The following CMTR1 variants were observed in gnomAD, a reference collection of about 807,000 sequenced individuals.
CMTR1 encodes the protein cap-specific mRNA (nucleoside-2'-O-)-methyltransferase 1.
A neutral mutation model predicts 107.0 loss-of-function variants in CMTR1; 39 were observed. That is an observed-to-expected ratio of 0.36 (90% CI 0.28 to 0.48). The LOEUF (loss-of-function observed/expected upper bound fraction) is 0.48. CMTR1 is among the 20% of genes least tolerant of loss of function. The pLI is 0.99. For synonymous variants in CMTR1, 366 were observed against 379.5 expected, an observed-to-expected ratio of 0.96 and a Z score of 0.41; for missense variants, 672 against 1,064.9, an observed-to-expected ratio of 0.63 and a Z score of 5.14.
Position 37,462,896 on chromosome 6 carries a change from A to G in CMTR1, c.1393A>G (p.Ile465Val). 1.9e-6 allele frequency: 3 copies of G among 1,614,128 alleles called. No individual in the cohort carries two copies. The highest frequency in any genetic ancestry group is 2.5e-6 in the Non-Finnish European group (3 of 1,180,022). ...TCGGGATTACCTCTTCGCAGTGAAT[A>G]TTAAACTCAATCAGCTGCGGAACAC... ...DVRDYLFAVN[I>V]KLNQLRNTDS... is the part of the protein sequence containing the mutation. The change falls in exon 13 of 24, where the codon ATT (isoleucine) becomes GTT (valine). Residue 465 changes from isoleucine to valine, a missense_variant. Physicochemically the swap from Ile to Val is conservative, Grantham distance 29. Transcript: ENST00000373451.
intron 2 of CMTR1, among the ~76,000 whole-genome samples, chr6:37,442,372 T>C (rs1367932186): frequency 6.6e-6 from 1 of 152,250 alleles, no homozygotes; most frequent in Non-Finnish European, 1.5e-5. Flanking sequence ...TTGCACTATT[T>C]GTAAGAGGAA....
In CMTR1 at chr6:37,472,806, T is replaced by TA. The variant is rs1311013472; in HGVS notation, c.1689+320dup. Among the ~76,000 whole-genome samples the TA allele has an allele frequency of 3.9e-5, 6 of 152,120 alleles. No individual in the cohort carries two copies. The highest frequency in any genetic ancestry group is 2.0e-4 in the Admixed American group (3 of 15,280). On this transcript the variant is annotated intron_variant, in intron 16 of 23. Coordinates refer to ENST00000373451, the MANE Select transcript of CMTR1 (RefSeq NM_015050.3). The surrounding 1 kb of genome is among the most constrained non-coding windows in gnomAD (Gnocchi z 4.1). ...GTGGGATTTGCCTACAAAGGAGACA[T>TA]AGAGTGTGGGATGATCTTAGGCAAG...
chr6:37,430,749 T>C (rs1003531034), upstream of CMTR1, among the ~76,000 whole-genome samples: 2 of 152,182 alleles, frequency 1.3e-5, no homozygotes, highest in Non-Finnish European at 2.9e-5. Context: ...GCACGTTGGC[T>C]CACGCCTGTA....
intron 6 of CMTR1, among the ~76,000 whole-genome samples, chr6:37,452,638 A>G (rs1173116981): frequency 6.6e-6 from 1 of 152,184 alleles, no homozygotes; most frequent in Non-Finnish European, 1.5e-5. Context: ...AGAAAACCCT[A>G]GTCTTGTTTA....
the CMTR1 span, among the ~76,000 whole-genome samples, chr6:37,426,579 G>T: frequency 6.6e-6 from 1 of 151,780 alleles, no homozygotes; most frequent in African/African-American, 2.4e-5. Flanking sequence ...TGTCACCCAG[G>T]CTGGAGTGCA....
At chr6:37,450,611 T>G (rs1270876693) in intron 5 of CMTR1, among the ~76,000 whole-genome samples, 3 of 152,204 alleles carry the variant, frequency 2.0e-5, no homozygotes. Context: ...ATGGATGCCT[T>G]TTGAAGTGGC....
Position 37,462,946 on chromosome 6 carries a change from C to T in CMTR1, c.1443C>T (p.Val481=), listed in dbSNP as rs377340604. 4 of 1,614,040 alleles carry T rather than the reference C, an allele frequency of 2.5e-6. No homozygotes were observed. Among genetic ancestry groups the T allele is most frequent in the East Asian group, 2.2e-5 (1 of 44,902 alleles). ...RNTDSDVNLV[V]PLEVIKGDHE... is the part of the protein sequence containing the mutation. ...CGGATTCCGACGTCAACTTGGTGGT[C>T]CCCCTGGAGGTGATCAAGGGAGACC... The change falls in exon 13 of 24, where the codon GTC becomes GTT. Residue 481 remains valine, a synonymous_variant. Transcript: ENST00000373451.
At chr6:37,455,556 G>A (rs1040512966) in intron 8 of CMTR1, among the ~76,000 whole-genome samples, 2 of 152,294 alleles carry the variant, frequency 1.3e-5, no homozygotes, top group South Asian at 2.1e-4. Context: ...TATGTCAGGG[G>A]TTCGAGTGCC....
At chr6:37,447,401 G>C (rs1242956540) in intron 4 of CMTR1, among the ~76,000 whole-genome samples, 1 of 152,226 alleles carries the variant, frequency 6.6e-6, no homozygotes, top group Non-Finnish European at 1.5e-5. Context: ...GAGACCAGCA[G>C]ACTGGCAATG....
intron 23 of CMTR1, among the ~76,000 whole-genome samples, chr6:37,479,768 TAAGTC>T (rs1561795117): frequency 6.6e-6 from 1 of 152,242 alleles, no homozygotes; most frequent in Non-Finnish European, 1.5e-5. Context: ...CACAGACAGA[TAAGTC>T]AGGAATATCA....
chr6:37,444,224 A>G, intron 3 of CMTR1, 74 bp downstream of exon 3: 3 of 1,543,978 alleles, frequency 1.9e-6, no homozygotes, highest in Non-Finnish European at 2.6e-6. Context: ...TATTTGTATG[A>G]AAAGAAGAAA....
rs749677265 is a variant in CMTR1 at position 37,444,101 on chromosome 6, G to A, written c.236G>A (p.Gly79Glu). The change falls in exon 3 of 24, where the codon GGA becomes GAA. Residue 79 changes from glycine to glutamate, a missense_variant. Gly to Glu is a moderately conservative substitution (Grantham distance 98). Around this residue, in one of 2 missense-constraint regions of CMTR1, gnomAD observed 89 missense variants for 96.6 expected, o/e 0.92. Coordinates refer to ENST00000373451, the MANE Select transcript of CMTR1 (RefSeq NM_015050.3). The stretch of plus-strand genomic sequence containing the variant: ...TTCAAAGCAGACTCTCTTGTGGAAG[G>A]AACTTCTTCTCGCTATTCCATGTAT... ...DAFKADSLVE[G>E]TSSRYSMYNS... 13 of 1,614,210 alleles carry A rather than the reference G, an allele frequency of 8.1e-6. 1 individual carries two copies. Among genetic ancestry groups the A allele is most frequent in the African/African-American group, 1.3e-5 (1 of 75,066 alleles).
At chr6:37,477,734 G>A in intron 21 of CMTR1, 95 bp downstream of exon 21, 1 of 433,146 alleles carries the variant, frequency 2.3e-6, no homozygotes, top group East Asian at 6.7e-5. Flanking sequence ...TGGGTCGGGG[G>A]CGGGGGGTGG....
intron 13 of CMTR1, among the ~76,000 whole-genome samples, chr6:37,468,255 A>G (rs1293209210): frequency 6.6e-6 from 1 of 150,426 alleles, no homozygotes; most frequent in Admixed American, 6.6e-5. Flanking sequence ...TCATTGTTTT[A>G]TGAACAGTGT....
rs1054821315 is a variant in CMTR1, at chr6:37,481,356, A to T, written c.*1211A>T. Reference sequence around the variant, plus strand: ...GCACTGAGGCTCCCGTGAGGTTGGAATCGACTTCACCATGGGGGTCCTTCA... The same window carrying T: ...GCACTGAGGCTCCCGTGAGGTTGGATTCGACTTCACCATGGGGGTCCTTCA... On this transcript the variant is annotated 3_prime_UTR_variant, in exon 24 of 24. Coordinates refer to ENST00000373451, the MANE Select transcript of CMTR1 (RefSeq NM_015050.3). The T allele has an allele frequency of 1.2e-5, 14 of 1,191,660 alleles. No individual in the cohort carries two copies. The highest frequency in any genetic ancestry group is 3.2e-5 in the African/African-American group (2 of 62,452). The allele number at this position is 1,191,660 out of a possible 1,614,324, so 73.8% of individuals were successfully genotyped here.
In CMTR1 at chr6:37,477,207, A is replaced by C. The variant is rs565057138; in HGVS notation, c.2106-385A>C. 2.0e-5 allele frequency among the ~76,000 whole-genome samples: 3 copies of C among 152,378 alleles called. 1 individual carries two copies. Among genetic ancestry groups the C allele is most frequent in the Non-Finnish European group, 4.4e-5 (3 of 68,040 alleles). ...TGGAAGGCCTAAAATCCATGTGGAC[A>C]GACCTGGGCAAGAGCCTACTCCTTT... is the stretch of plus-strand genomic sequence containing the variant. On this transcript the variant is annotated intron_variant, in intron 20 of 23. Transcript: ENST00000373451.
chr6:37,466,108 G>GTTTTTT lies in CMTR1; in HGVS notation c.1505+3105_1505+3106insTTTTTT, dbSNP rs747910111. On this transcript the variant is annotated intron_variant, in intron 13 of 23. Coordinates refer to ENST00000373451, the MANE Select transcript of CMTR1 (RefSeq NM_015050.3). ...CTCTATGTTTTTAAAGAGTTTTACA[G>GTTTTTT]TTTTTGTTTTTTTTTTTTTTTTTGA... Among the ~76,000 whole-genome samples the GTTTTTT allele has an allele frequency of 1.3e-4, 16 of 127,738 alleles. 1 individual carries two copies. Among genetic ancestry groups the GTTTTTT allele is most frequent in the Non-Finnish European group, 2.2e-4 (13 of 59,632 alleles). 83.8% of individuals were successfully genotyped at this position (127,738 alleles called of 152,430 possible). A position where few individuals can be genotyped will look rare whatever the true frequency, so the allele number is the denominator to read the frequency against.
At chr6:37,452,805 C>T (rs564069435) in intron 6 of CMTR1, among the ~76,000 whole-genome samples, 22 of 151,682 alleles carry the variant, frequency 1.5e-4, no homozygotes, top group Admixed American at 9.8e-4. Context: ...CAGCGGGTGC[C>T]GTTTTTTAAA....
At chr6:37,466,786 T>G (rs1761520525) in intron 13 of CMTR1, among the ~76,000 whole-genome samples, 1 of 152,154 alleles carries the variant, frequency 6.6e-6, no homozygotes, top group Non-Finnish European at 1.5e-5. Context: ...TGGTGTCCCT[T>G]GAGATTCCAT....
Sources: allele counts gnomAD v4.1 joint callset (sites outside exome capture counted in the v4.1 genomes callset), GRCh38; gene constraint gnomAD v4.1.1; regional missense constraint gnomAD v4.1.1; non-coding constraint Gnocchi (gnomAD v3.1); transcripts MANE v1.5; gene names NCBI Gene and HGNC (gene_info 2026-07-23, HGNC 2026-07-21).